Variants in IL15 observed in about 807,000 individuals in gnomAD.
IL15 encodes the protein interleukin-15.
Under a neutral mutation model 19.6 loss-of-function variants are expected in IL15, and 11 were observed. The ratio of observed to expected loss-of-function variants is 0.56; its 90% confidence interval spans 0.35 to 0.93. IL15 has a LOEUF of 0.93. IL15 is among the 40% of genes least tolerant of loss of function. The pLI is 0.01. For missense variants in IL15, 197 were observed against 186.5 expected (o/e 1.06, Z -0.33); for synonymous variants, 58 against 59.6 (o/e 0.97, Z 0.12).
intron 2 of IL15, among the ~76,000 whole-genome samples, chr4:141,659,257 C>T (rs1727710292): frequency 6.6e-6 from 1 of 151,036 alleles, no homozygotes; most frequent in Non-Finnish European, 1.5e-5. Context: ...GGCTGGAATG[C>T]AATGGCGTGA....
Position 141,686,269 on chromosome 4 carries a change from T to C in IL15, c.-100+29962T>C, listed in dbSNP as rs112762578. 5.7e-3 allele frequency among the ~76,000 whole-genome samples: 863 copies of C among 151,038 alleles called. 15 individuals are homozygous for C. The highest frequency in any genetic ancestry group is 0.02 in the African/African-American group (806 of 41,034). On this transcript the variant is annotated intron_variant, in intron 2 of 7. Coordinates refer to ENST00000320650, the MANE Select transcript of IL15 (RefSeq NM_000585.5). ...GAGATCATGCCATTGCACTCCAGCC[T>C]GGGCAACAAGAGCAAGAGTTCATCT...
intron 2 of IL15, among the ~76,000 whole-genome samples, chr4:141,712,737 T>G (rs1729752477): frequency 6.6e-6 from 1 of 151,050 alleles, no homozygotes; most frequent in African/African-American, 2.4e-5. Context: ...TGATTGAAAC[T>G]AAGATGTCCA....
At chr4:141,651,402 G>A (rs1201809442) in intron 1 of IL15, among the ~76,000 whole-genome samples, 1 of 152,000 alleles carries the variant, frequency 6.6e-6, no homozygotes, top group Non-Finnish European at 1.5e-5. Context: ...CATAGAATGT[G>A]GAATAATAGT....
chr4:141,678,948 G>T (rs1728447545), intron 2 of IL15, among the ~76,000 whole-genome samples: 1 of 152,134 alleles, frequency 6.6e-6, no homozygotes, highest in Non-Finnish European at 1.5e-5. Flanking sequence ...TATTTCTTAG[G>T]TTGTTAAGTG....
chr4:141,640,810 T>C (rs1727017327), intron 1 of IL15, among the ~76,000 whole-genome samples: 1 of 152,224 alleles, frequency 6.6e-6, no homozygotes, highest in Admixed American at 6.5e-5. Context: ...TTGTTTCTTC[T>C]CTAAATGCTA....
intron 4 of IL15, among the ~76,000 whole-genome samples, chr4:141,721,350 AAGTG>A (rs146418929): frequency 0.02 from 3,107 of 152,258 alleles, 118 homozygotes; most frequent in African/African-American, 0.07. Flanking sequence ...AAATTTGTGA[AAGTG>A]AGTAAGTATA....
Position 141,657,126 on chromosome 4 carries a change from T to C in IL15, c.-100+819T>C, listed in dbSNP as rs372289564. Among the ~76,000 whole-genome samples the C allele has an allele frequency of 2.6e-5, 4 of 152,180 alleles. No individual in the cohort carries two copies. The South Asian group carries it at 8.3e-4, about 32-fold the overall frequency. On this transcript the variant is annotated intron_variant, in intron 2 of 7. Transcript: ENST00000320650. Reference sequence around the variant, plus strand: ...CTAAGCTACAAACCTGTACAGCATGTTACTGTACTGAATACTGTAGGCAAT... The same window carrying C: ...CTAAGCTACAAACCTGTACAGCATGCTACTGTACTGAATACTGTAGGCAAT...
At chr4:141,652,306 C>A (rs978913477) in intron 1 of IL15, among the ~76,000 whole-genome samples, 2 of 151,926 alleles carry the variant, frequency 1.3e-5, no homozygotes, top group East Asian at 3.9e-4. Flanking sequence ...TTTGTACAGC[C>A]CAAGTGGAGA....
chr4:141,715,869 G>A (rs541462093), intron 2 of IL15: 3 of 152,106 alleles, frequency 2.0e-5, no homozygotes, highest in Non-Finnish European at 4.4e-5. Context: ...TCCTCACTGG[G>A]AAGAACTATA....
At chr4:141,671,152 C>T (rs1347234383) in intron 2 of IL15, among the ~76,000 whole-genome samples, 1 of 151,982 alleles carries the variant, frequency 6.6e-6, no homozygotes, top group East Asian at 1.9e-4. Context: ...GTAATATAAC[C>T]CCTACGTAAA....
At chr4:141,713,064 C>A in intron 2 of IL15, among the ~76,000 whole-genome samples, 1 of 151,838 alleles carries the variant, frequency 6.6e-6, no homozygotes, top group Non-Finnish European at 1.5e-5. Context: ...TATAGTAACC[C>A]AAGTTATTAT....
At chr4:141,644,780 A>T (rs1578984326) in intron 1 of IL15, among the ~76,000 whole-genome samples, 1 of 152,096 alleles carries the variant, frequency 6.6e-6, no homozygotes, top group South Asian at 2.1e-4. Context: ...CAATTGCTTT[A>T]AAAAAATACC....
intron 2 of IL15, among the ~76,000 whole-genome samples, chr4:141,672,068 T>C (rs890406459): frequency 6.6e-6 from 1 of 152,218 alleles, no homozygotes; most frequent in South Asian, 2.1e-4. Flanking sequence ...TAGCAAGGAA[T>C]AATAGTATGA....
intron 2 of IL15, chr4:141,717,289 T>G (rs1433046726): frequency 2.0e-5 from 3 of 152,180 alleles, no homozygotes; most frequent in Non-Finnish European, 2.9e-5. Flanking sequence ...GACATTTAAT[T>G]GTGAATGTGA....
In IL15 at chr4:141,666,081, A is replaced by ATTTATTATTTAT. The variant is rs71586237; in HGVS notation, c.-100+9776_-100+9777insTATTATTTATTT. Among the ~76,000 whole-genome samples, 7 of 143,390 alleles carry ATTTATTATTTAT rather than the reference A, an allele frequency of 4.9e-5. 1 individual carries two copies. The highest frequency in any genetic ancestry group is 4.4e-4 in the South Asian group (2 of 4,506). 94.1% of individuals were successfully genotyped at this position (143,390 alleles called of 152,430 possible). A position where few individuals can be genotyped will look rare whatever the true frequency, so the allele number is the denominator to read the frequency against. ...TCTCTCAGACTCATCCTTTTTATTT[A>ATTTATTATTTAT]TTATTTATTTATTTATTTATTTATT... On this transcript the variant is annotated intron_variant, in intron 2 of 7. Coordinates refer to ENST00000320650, the MANE Select transcript of IL15 (RefSeq NM_000585.5).
At chr4:141,690,235 C>T (rs915717832) in intron 2 of IL15, among the ~76,000 whole-genome samples, 2 of 152,196 alleles carry the variant, frequency 1.3e-5, no homozygotes, top group African/African-American at 4.8e-5. Context: ...CCGCTCGCAC[C>T]TCTCCCTCCA....
chr4:141,682,740 A>G (rs1728574085), intron 2 of IL15, among the ~76,000 whole-genome samples: 2 of 152,110 alleles, frequency 1.3e-5, no homozygotes, highest in Admixed American at 6.5e-5. Context: ...GTGGTTCACG[A>G]GGTCAGGAGT....
At position 141,693,016 on chromosome 4, in the gene IL15, CAAAAAAAAAAAAA is replaced by C. The variant is rs70949131; in HGVS notation, c.-99-26336_-99-26324del. The stretch of plus-strand genomic sequence containing the variant: ...AGGGGAACAGAGCAAGACTCCGTCT[CAAAAAAAAAAAAA>C]AAAAAAAAAAAAAGATACTACCTGT... On this transcript the variant is annotated intron_variant, in intron 2 of 7. Coordinates refer to ENST00000320650, the MANE Select transcript of IL15 (RefSeq NM_000585.5). 2.6e-4 allele frequency among the ~76,000 whole-genome samples: 6 copies of C among 23,242 alleles called. 1 individual carries two copies. The highest frequency in any genetic ancestry group is 9.5e-4 in the African/African-American group (6 of 6,314). 15.2% of individuals were successfully genotyped at this position (23,242 alleles called of 152,430 possible).
intron 4 of IL15, chr4:141,720,818 A>T (rs1730050288): frequency 1.8e-6 from 1 of 550,732 alleles, no homozygotes; most frequent in African/African-American, 1.9e-5. Flanking sequence ...TTGATATTTA[A>T]CTGAACTTGG....
Sources: allele counts gnomAD v4.1 joint callset (sites outside exome capture counted in the v4.1 genomes callset), GRCh38; gene constraint gnomAD v4.1.1; transcripts MANE v1.5; gene names NCBI Gene and HGNC (gene_info 2026-07-23, HGNC 2026-07-21).